OR9G4: variants seen among roughly 807,000 people sequenced by gnomAD.
OR9G4 encodes the protein olfactory receptor 9G4.
Under a neutral mutation model 16.7 loss-of-function variants are expected in OR9G4, and 19 were observed. The observed-to-expected ratio is 1.14, with a 90% CI of 0.79 to 1.67. The LOEUF (loss-of-function observed/expected upper bound fraction) is 1.67. OR9G4 is among the 40% of genes most tolerant of loss of function. The pLI is 0.00. For missense variants in OR9G4, 428 were observed against 370.4 expected, an observed-to-expected ratio of 1.16 and a Z score of -1.28; for synonymous variants, 182 against 146.2, an observed-to-expected ratio of 1.24 and a Z score of -1.76.
Position 56,743,561 on chromosome 11 carries a change from A to T in OR9G4, c.206T>A (p.Leu69Ter). 6.2e-7 allele frequency: 1 copy of T among 1,614,062 alleles called. No individual in the cohort carries two copies. The highest frequency in any genetic ancestry group is 8.5e-7 in the Non-Finnish European group (1 of 1,179,912). ...MYFFIGNLSFLDFWYTSVYTP... is the reference protein window; with the variant it reads ...MYFFIGNLSF ...ATACACAGAGGTATACCAGAAATCCAAAAAAGACAGATTGCCAATGAAAAA... is the reference window on the plus strand; with the variant it reads ...ATACACAGAGGTATACCAGAAATCCTAAAAAGACAGATTGCCAATGAAAAA... The change falls in exon 2 of 2, where the codon TTG becomes TAG. Residue 69 changes from leucine (L) to a stop codon, truncating the protein, a stop_gained. Coordinates refer to ENST00000641668, the MANE Select transcript of OR9G4 (RefSeq NM_001005284.2). LOFTEE classifies it high-confidence loss of function.
At chr11:56,745,463 C>T (rs1858392392) in intron 1 of OR9G4, among the ~76,000 whole-genome samples, 1 of 152,204 alleles carries the variant, frequency 6.6e-6, no homozygotes, top group South Asian at 2.1e-4. Context: ...TTCCATGATT[C>T]CAATTTGCTA....
At position 56,743,204 on chromosome 11, in the gene OR9G4, G is replaced by A. The variant is rs772253655; in HGVS notation, c.563C>T (p.Ser188Phe). ...TTCGTAGACCCTGGTGTTTGTACAG[G>A]ACATTTTTACCAATGGTGGTGCATC... ...FCDAPPLVKM[S>F]CTNTRVYEKV... The change falls in exon 2 of 2, where the codon TCC becomes TTC. Residue 188 changes from serine (S) to phenylalanine (F), a missense_variant. Physicochemically the swap from Ser to Phe is radical, Grantham distance 155. Coordinates refer to ENST00000641668, the MANE Select transcript of OR9G4 (RefSeq NM_001005284.2). 1.9e-6 allele frequency: 3 copies of A among 1,614,104 alleles called. No individual in the cohort carries two copies. Among genetic ancestry groups the A allele is most frequent in the Admixed American group, 1.7e-5 (1 of 60,018 alleles).
At position 56,741,589 on chromosome 11, in the gene OR9G4, T is replaced by G. The variant is rs1260347087; in HGVS notation, c.*1239A>C. On this transcript the variant is annotated 3_prime_UTR_variant, in exon 2 of 2. Coordinates refer to ENST00000641668, the MANE Select transcript of OR9G4 (RefSeq NM_001005284.2). ...ATTATTTTGATGGAAAGAGGTAGGA[T>G]GTGTTGGAAAATAAATGCAGCTGAA... 6.6e-6 allele frequency: 1 copy of G among 152,200 alleles called. No individual in the cohort carries two copies. The highest frequency in any genetic ancestry group is 2.4e-5 in the African/African-American group (1 of 41,438). 9.4% of individuals were successfully genotyped at this position (152,200 alleles called of 1,614,324 possible).
intron 1 of OR9G4, among the ~76,000 whole-genome samples, chr11:56,746,210 G>T (rs1240737197): frequency 4.1e-5 from 6 of 146,972 alleles, no homozygotes; most frequent in African/African-American, 1.5e-4. Context: ...GGAGAATGGC[G>T]TGAACCCGGG....
Position 56,741,774 on chromosome 11 carries a change from T to C in OR9G4, c.*1054A>G, listed in dbSNP as rs1271819279. 2.0e-5 allele frequency: 3 copies of C among 151,696 alleles called. No homozygotes were observed. The South Asian group carries it at 6.2e-4, about 31-fold the overall frequency. 9.4% of individuals were successfully genotyped at this position (151,696 alleles called of 1,614,324 possible). A position where few individuals can be genotyped will look rare whatever the true frequency, so the allele number is the denominator to read the frequency against. ...AACCTCTGAGCTGCAAGCTTGTGATTTGAAAATTGTAACCATTAATCCTTA... is the reference window on the plus strand; with the variant it reads ...AACCTCTGAGCTGCAAGCTTGTGATCTGAAAATTGTAACCATTAATCCTTA... On this transcript the variant is annotated 3_prime_UTR_variant, in exon 2 of 2. Transcript: ENST00000641668.
At chr11:56,743,935 G>GA in intron 1 of OR9G4, 147 bp from the exon 2 acceptor site, 1 of 867,992 alleles carries the variant, frequency 1.2e-6, no homozygotes, top group Non-Finnish European at 1.8e-6. Context: ...CCATGATTTG[G>GA]AAAAATTACT....
At chr11:56,745,711 G>A (rs946798822) in intron 1 of OR9G4, among the ~76,000 whole-genome samples, 2 of 151,274 alleles carry the variant, frequency 1.3e-5, no homozygotes, top group African/African-American at 2.4e-5. Context: ...GGCAGAGGTT[G>A]CAGTGAGCTG....
Position 56,742,584 on chromosome 11 carries a change from T to G in OR9G4, c.*244A>C. ...CAAACACAATGAAATCTATGAAAGA[T>G]TTAATGCTGCCAAGGCAAAATACCA... On this transcript the variant is annotated 3_prime_UTR_variant, in exon 2 of 2. Transcript: ENST00000641668. The G allele has an allele frequency of 6.5e-6, 3 of 459,924 alleles. No homozygotes were observed. The highest frequency in any genetic ancestry group is 2.0e-5 in the African/African-American group (1 of 50,866). 28.5% of individuals were successfully genotyped at this position (459,924 alleles called of 1,614,324 possible). A position where few individuals can be genotyped will look rare whatever the true frequency, so the allele number is the denominator to read the frequency against.
At chr11:56,744,029 A>C (rs949924052) in intron 1 of OR9G4, 20 of 463,960 alleles carry the variant, frequency 4.3e-5, no homozygotes, top group African/African-American at 4.1e-4. Context: ...ATTCTCATCA[A>C]ACATGAAAAA....
In OR9G4 at chr11:56,743,125, G is replaced by T. The variant is rs1858330280; in HGVS notation, c.642C>A (p.Ile214=). 1 of 1,614,152 alleles carries T rather than the reference G, an allele frequency of 6.2e-7. No individual in the cohort carries two copies. The highest frequency in any genetic ancestry group is 8.5e-7 in the Non-Finnish European group (1 of 1,180,004). ...GFTVLSSILA[I]LISYVNILLA... The stretch of plus-strand genomic sequence containing the variant: ...GGAGGATGTTGACATAGGAAATCAG[G>T]ATAGCAAGAATGCTGGAGAGTACTG... Residue 214 remains isoleucine, a synonymous_variant, in exon 2 of 2, where the codon ATC becomes ATA. Transcript: ENST00000641668.
In OR9G4 at chr11:56,743,354, G is replaced by A. The variant is rs755053619; in HGVS notation, c.413C>T (p.Thr138Ile). Residue 138 changes from threonine (T) to isoleucine (I), a missense_variant, in exon 2 of 2, where the codon ACC becomes ATC. Coordinates refer to ENST00000641668, the MANE Select transcript of OR9G4 (RefSeq NM_001005284.2). Reference protein sequence around the residue: ...NPLLYSGTMSTALCTGLVAGS... With the variant: ...NPLLYSGTMSIALCTGLVAGS... ...AGCAACAAGCCCAGTACAGAGGGCGGTGGACATGGTACCTGAATAAAGCAA... is the reference window on the plus strand; with the variant it reads ...AGCAACAAGCCCAGTACAGAGGGCGATGGACATGGTACCTGAATAAAGCAA... The A allele has an allele frequency of 6.2e-7, 1 of 1,614,188 alleles. No homozygotes were observed. Among genetic ancestry groups the A allele is most frequent in the Non-Finnish European group, 8.5e-7 (1 of 1,180,040 alleles).
chr11:56,745,236 C>T (rs1011311614), intron 1 of OR9G4, among the ~76,000 whole-genome samples: 3 of 152,132 alleles, frequency 2.0e-5, no homozygotes, highest in African/African-American at 4.8e-5. Context: ...ATAGTGGTAT[C>T]GTCCAGTATC....
chr11:56,745,419 A>G (rs12417975), intron 1 of OR9G4, among the ~76,000 whole-genome samples: 34,732 of 152,078 alleles, frequency 0.23, 4,084 homozygotes, highest in Middle Eastern at 0.3. Context: ...CACCCATCTG[A>G]AAATTTTGGT....
In OR9G4 at chr11:56,747,917, G is replaced by A. The variant is rs553335621; in HGVS notation, c.-23+739C>T. 1.5e-3 allele frequency among the ~76,000 whole-genome samples: 222 copies of A among 152,110 alleles called. 2 individuals carry two copies. Among genetic ancestry groups the A allele is most frequent in the African/African-American group, 2.9e-3 (121 of 41,502 alleles). Reference sequence around the variant, plus strand: ...TCTTGAACTCCTCACCTCGTGATCCGCCCTCCTCAGCCTCCCAAAGTGCTG... The same window carrying A: ...TCTTGAACTCCTCACCTCGTGATCCACCCTCCTCAGCCTCCCAAAGTGCTG... On this transcript the variant is annotated intron_variant, in intron 1 of 1. Coordinates refer to ENST00000641668, the MANE Select transcript of OR9G4 (RefSeq NM_001005284.2).
At chr11:56,748,115 A>G (rs1471358762) in intron 1 of OR9G4, among the ~76,000 whole-genome samples, 1 of 152,240 alleles carries the variant, frequency 6.6e-6, no homozygotes, top group African/African-American at 2.4e-5. Context: ...CCTAATTTGA[A>G]ACAAGTTACC....
At chr11:56,748,269 C>A (rs1014917537) in intron 1 of OR9G4, among the ~76,000 whole-genome samples, 1 of 152,178 alleles carries the variant, frequency 6.6e-6, no homozygotes, top group African/African-American at 2.4e-5. Flanking sequence ...GCAAGAAAAA[C>A]TCTTTGGTAG....
At position 56,743,743 on chromosome 11, in the gene OR9G4, G is replaced by T; in HGVS notation, c.24C>A (p.Ile8=). 1 of 1,614,098 alleles carries T rather than the reference G, an allele frequency of 6.2e-7. No homozygotes were observed. Among genetic ancestry groups the T allele is most frequent in the Non-Finnish European group, 8.5e-7 (1 of 1,179,940 alleles). The change falls in exon 2 of 2, where the codon ATC becomes ATA. Residue 8 remains isoleucine, a synonymous_variant. Coordinates refer to ENST00000641668, the MANE Select transcript of OR9G4 (RefSeq NM_001005284.2). MEVGNCT[I]LTEFILLGFS... ...AACCCAACAAGATGAATTCAGTCAG[G>T]ATGGTGCAATTTCCCACTTCCATGT...
At position 56,742,705 on chromosome 11, in the gene OR9G4, C is replaced by T. The variant is rs1473875203; in HGVS notation, c.*123G>A. On this transcript the variant is annotated 3_prime_UTR_variant, in exon 2 of 2. Coordinates refer to ENST00000641668, the MANE Select transcript of OR9G4 (RefSeq NM_001005284.2). ...AACGAATAACAAGGAGTCATGTGGT[C>T]AATATTTTAATGTTTTAAATATGAC... 2 of 801,336 alleles carry T rather than the reference C, an allele frequency of 2.5e-6. No homozygotes were observed. The highest frequency in any genetic ancestry group is 1.7e-5 in the African/African-American group (1 of 57,892). 49.6% of individuals were successfully genotyped at this position (801,336 alleles called of 1,614,324 possible).
rs1590606534 is a variant in OR9G4 at position 56,742,686 on chromosome 11, T to G, written c.*142A>C. On this transcript the variant is annotated 3_prime_UTR_variant, in exon 2 of 2. Transcript: ENST00000641668. ...TTTTGTTTACATCATAACAAACGAATAACAAGGAGTCATGTGGTCAATATT... is the reference window on the plus strand; with the variant it reads ...TTTTGTTTACATCATAACAAACGAAGAACAAGGAGTCATGTGGTCAATATT... The G allele has an allele frequency of 1.4e-6, 1 of 702,842 alleles. No homozygotes were observed. The highest frequency in any genetic ancestry group is 1.9e-5 in the South Asian group (1 of 53,056). 43.5% of individuals were successfully genotyped at this position (702,842 alleles called of 1,614,324 possible). A position where few individuals can be genotyped will look rare whatever the true frequency, so the allele number is the denominator to read the frequency against.
Sources: allele counts gnomAD v4.1 joint callset (sites outside exome capture counted in the v4.1 genomes callset), GRCh38; gene constraint gnomAD v4.1.1; transcripts MANE v1.5; gene names NCBI Gene and HGNC (gene_info 2026-07-23, HGNC 2026-07-21).